Variants in CYB5R4 observed in about 807,000 individuals in gnomAD.
CYB5R4 encodes the protein cytochrome b5 reductase 4, also known as N-terminal cytochrome b5 and cytochrome b5 oxidoreductase domain-containing protein.
CYB5R4 carries 55 observed loss-of-function variants against 70.2 expected under a neutral mutation model. That is an observed-to-expected ratio of 0.78 (90% CI 0.63 to 0.98). The LOEUF (loss-of-function observed/expected upper bound fraction) is 0.98. Ranked by LOEUF, CYB5R4 falls within the 50% of genes least tolerant of loss-of-function variation. The pLI is 0.00. For missense variants in CYB5R4, 562 were observed against 612.6 expected (o/e 0.92, Z 0.87); for synonymous variants, 197 against 199.5 (o/e 0.99, Z 0.11).
intron 4 of CYB5R4, among the ~76,000 whole-genome samples, chr6:83,912,662 A>C (rs965324755): frequency 2.0e-5 from 3 of 152,268 alleles, no homozygotes; most frequent in Non-Finnish European, 4.4e-5. Flanking sequence ...GGAATTAGTT[A>C]CCAAGAGAAA....
chr6:83,922,529 A>G (rs929679731), intron 9 of CYB5R4, 59 bp downstream of exon 9: 4 of 1,208,284 alleles, frequency 3.3e-6, no homozygotes, highest in Non-Finnish European at 3.6e-6. Flanking sequence ...ACCTACAGAG[A>G]GAGAGATACG....
intron 2 of CYB5R4, among the ~76,000 whole-genome samples, chr6:83,892,294 T>A (rs146027268): frequency 1.2e-4 from 18 of 152,326 alleles, no homozygotes; most frequent in African/African-American, 4.1e-4. Flanking sequence ...AAAACTGCAG[T>A]ACTTTTCTTG....
rs2099456427 is a variant in CYB5R4, at chr6:83,864,308, A to G, written c.209A>G (p.Asp70Gly). Residue 70 changes from aspartate (D) to glycine (G), a missense_variant, in exon 2 of 16, where the codon GAT (aspartate) becomes GGT (glycine). Coordinates refer to ENST00000369681, the MANE Select transcript of CYB5R4 (RefSeq NM_016230.4). ...CTTAAGAAACACAACAAAAAAGATG[A>G]TTGTTGGATATGCATAAGAGGTAGG... is the stretch of plus-strand genomic sequence containing the variant. ...EELKKHNKKD[D>G]CWICIRGFVY... 1.2e-6 allele frequency: 2 copies of G among 1,612,238 alleles called. No individual in the cohort carries two copies. The highest frequency in any genetic ancestry group is 1.7e-6 in the Non-Finnish European group (2 of 1,179,294).
chr6:83,895,206 C>T (rs1229431456), intron 3 of CYB5R4, among the ~76,000 whole-genome samples: 1 of 152,106 alleles, frequency 6.6e-6, no homozygotes. Flanking sequence ...CGCTCTGTCC[C>T]CCAGGCTGGA....
At chr6:83,927,538 G>A (rs2099467488) in intron 10 of CYB5R4, among the ~76,000 whole-genome samples, 1 of 152,022 alleles carries the variant, frequency 6.6e-6, no homozygotes, top group Admixed American at 6.6e-5. Context: ...ACAAAACTCA[G>A]GGATACATTT....
chr6:83,919,760 C>CTGTGTGTGTGTGTG (rs58002492), intron 7 of CYB5R4, among the ~76,000 whole-genome samples: 5 of 141,982 alleles, frequency 3.5e-5, no homozygotes, highest in South Asian at 2.3e-4. Flanking sequence ...ATGTGTTTTT[C>CTGTGTGTGTGTGTG]TGTGTGTGTG....
At position 83,941,429 on chromosome 6, in the gene CYB5R4, G is replaced by T. The variant is rs941648077; in HGVS notation, c.1346+828G>T. Among the ~76,000 whole-genome samples the T allele has an allele frequency of 3.9e-5, 6 of 152,004 alleles. No individual in the cohort carries two copies. In the East Asian group the frequency reaches 1.2e-3, roughly 29 times the overall value. The stretch of plus-strand genomic sequence containing the variant: ...TAAAAGCTATTTCTAAGAATTTTAG[G>T]GCTTTATAAATTACACAAAAGATCT... On this transcript the variant is annotated intron_variant, in intron 14 of 15. Coordinates refer to ENST00000369681, the MANE Select transcript of CYB5R4 (RefSeq NM_016230.4).
chr6:83,939,654 C>A (rs2099469452), intron 12 of CYB5R4, among the ~76,000 whole-genome samples: 1 of 152,050 alleles, frequency 6.6e-6, no homozygotes, highest in African/African-American at 2.4e-5. Flanking sequence ...TACTCTGTAC[C>A]AGGTAAGACA....
intron 14 of CYB5R4, among the ~76,000 whole-genome samples, chr6:83,941,754 ATT>A (rs1361470240): frequency 1.3e-5 from 2 of 152,216 alleles, no homozygotes; most frequent in African/African-American, 4.8e-5. Context: ...ACCTAAGAAC[ATT>A]TATTATAAGT....
chr6:83,926,661 G>A (rs1383684547), intron 10 of CYB5R4, among the ~76,000 whole-genome samples: 1 of 152,114 alleles, frequency 6.6e-6, no homozygotes, highest in African/African-American at 2.4e-5. Flanking sequence ...CAACATATGT[G>A]TTTGGTGAGG....
rs146590316 is a variant in CYB5R4, at chr6:83,903,037, C to G, written c.331-5972C>G. On this transcript the variant is annotated intron_variant, in intron 3 of 15. Coordinates refer to ENST00000369681, the MANE Select transcript of CYB5R4 (RefSeq NM_016230.4). ...ATTTCTTTCTCTTGCATTGCTCTGT[C>G]TAGAACTTCCAGTACTGTATTAAAT... Among the ~76,000 whole-genome samples, 6 of 152,214 alleles carry G rather than the reference C, an allele frequency of 3.9e-5. 1 individual carries two copies. The highest frequency in any genetic ancestry group is 1.4e-4 in the African/African-American group (6 of 41,572).
At chr6:83,872,441 T>C (rs1219782967) in intron 2 of CYB5R4, among the ~76,000 whole-genome samples, 1 of 152,212 alleles carries the variant, frequency 6.6e-6, no homozygotes, top group African/African-American at 2.4e-5. Flanking sequence ...CTGAAGCTGA[T>C]AAAATCTATT....
intron 3 of CYB5R4, among the ~76,000 whole-genome samples, chr6:83,899,880 G>T (rs1408935589): frequency 4.6e-5 from 7 of 151,824 alleles, no homozygotes; most frequent in South Asian, 2.1e-4. Context: ...GTCTTGCTAG[G>T]GGTCTATCAA....
chr6:83,874,131 CTCCCCTCCCTTCCCCTCCCCTCCCT>C (rs1355011049), intron 2 of CYB5R4, among the ~76,000 whole-genome samples: 1 of 68,038 alleles, frequency 1.5e-5, no homozygotes, highest in Non-Finnish European at 2.6e-5. Flanking sequence ...CTCCTCTCCC[CTCCCCTCCCTTCCCCTCCCCTCCCT>C]TCCCCTCCCC....
intron 2 of CYB5R4, among the ~76,000 whole-genome samples, chr6:83,888,579 T>G (rs1479997990): frequency 6.6e-6 from 1 of 152,092 alleles, no homozygotes; most frequent in East Asian, 1.9e-4. Context: ...AATGGACAAA[T>G]GTATATGTTC....
intron 4 of CYB5R4, chr6:83,910,068 G>A (rs2099464436): frequency 6.2e-7 from 1 of 1,612,354 alleles, no homozygotes; most frequent in African/African-American, 1.3e-5. Flanking sequence ...TTCATCCTAG[G>A]CAAACTCTGG....
At chr6:83,957,622 CAAAA>C (rs34196225) in intron 15 of CYB5R4, among the ~76,000 whole-genome samples, 1 of 66,946 alleles carries the variant, frequency 1.5e-5, no homozygotes. Context: ...AACTCTGTCT[CAAAA>C]AAAAAAAAAA....
intron 5 of CYB5R4, among the ~76,000 whole-genome samples, chr6:83,916,724 A>AGAAAAATAT (rs949199124): frequency 1.3e-5 from 2 of 152,194 alleles, no homozygotes; most frequent in Non-Finnish European, 2.9e-5. Context: ...CAGCCCATTC[A>AGAAAAATAT]GAAAAATATG....
At chr6:83,889,267 T>G (rs994124814) in intron 2 of CYB5R4, among the ~76,000 whole-genome samples, 1 of 152,224 alleles carries the variant, frequency 6.6e-6, no homozygotes, top group Non-Finnish European at 1.5e-5. Context: ...AGTCTTCTAT[T>G]GGCTAAAGAT....
Sources: allele counts gnomAD v4.1 joint callset (sites outside exome capture counted in the v4.1 genomes callset), GRCh38; gene constraint gnomAD v4.1.1; transcripts MANE v1.5; gene names NCBI Gene and HGNC (gene_info 2026-07-23, HGNC 2026-07-21).